The following OR2M4 variants were observed in gnomAD, a reference collection of about 807,000 sequenced individuals.
The protein encoded by OR2M4 is olfactory receptor family 2 subfamily M member 4.
Under a neutral mutation model 13.7 loss-of-function variants are expected in OR2M4, and 8 were observed. The observed-to-expected ratio is 0.58, with a 90% CI of 0.34 to 1.05. The LOEUF is 1.05. OR2M4 is among the 50% of genes least tolerant of loss of function. OR2M4 has a pLI of 0.02. For missense variants in OR2M4, 374 were observed against 381.6 expected (o/e 0.98, Z 0.17); for synonymous variants, 152 against 141.3 (o/e 1.08, Z -0.53).
At chr1:248,237,881 G>A (rs1160507136) in intron 1 of OR2M4, among the ~76,000 whole-genome samples, 1 of 152,142 alleles carries the variant, frequency 6.6e-6, no homozygotes, top group African/African-American at 2.4e-5. Flanking sequence ...CTCCAAAGTA[G>A]CACATTGCAG....
rs767373057 is a variant in OR2M4 at position 248,239,378 on chromosome 1, C to T, written c.450C>T (p.Thr150=). 19 of 1,614,040 alleles carry T rather than the reference C, an allele frequency of 1.2e-5. 1 individual carries two copies. Among genetic ancestry groups the T allele is most frequent in the East Asian group, 2.2e-5 (1 of 44,872 alleles). ...LCVFMTVASW[T]LGSLDGIIVL... is the part of the protein sequence containing the mutation. Reference sequence around the variant, plus strand: ...TCTTCATGACTGTTGCTTCCTGGACCTTGGGGTCTCTTGATGGGATCATAG... The same window carrying T: ...TCTTCATGACTGTTGCTTCCTGGACTTTGGGGTCTCTTGATGGGATCATAG... Residue 150 remains threonine, a synonymous_variant, in exon 2 of 2, where the codon ACC becomes ACT. Coordinates refer to ENST00000641868, the MANE Select transcript of OR2M4 (RefSeq NM_017504.2).
Position 248,239,367 on chromosome 1 carries a change from G to C in OR2M4, c.439G>C (p.Ala147Pro). The C allele has an allele frequency of 2.5e-6, 4 of 1,614,048 alleles. No homozygotes were observed. Among genetic ancestry groups the C allele is most frequent in the Non-Finnish European group, 3.4e-6 (4 of 1,180,016 alleles). The change falls in exon 2 of 2, where the codon GCT (alanine) becomes CCT (proline). Residue 147 changes from alanine to proline, a missense_variant. By Grantham distance (27) the Ala-to-Pro change is conservative. Transcript: ENST00000641868. The part of the protein sequence containing the change: ...NPKLCVFMTV[A>P]SWTLGSLDGI... ...GAAACTCTGTGTCTTCATGACTGTT[G>C]CTTCCTGGACCTTGGGGTCTCTTGA...
Position 248,239,881 on chromosome 1 carries a change from T to C in OR2M4, c.*17T>C, listed in dbSNP as rs1348883511. ...TTAATATGACCTTATCAAAATCTTT[T>C]TGAGTGCCTACTGTGGTCAACACTC... is the stretch of plus-strand genomic sequence containing the variant. On this transcript the variant is annotated 3_prime_UTR_variant, in exon 2 of 2. Transcript: ENST00000641868. 6.6e-7 allele frequency: 1 copy of C among 1,506,738 alleles called. No homozygotes were observed. The highest frequency in any genetic ancestry group is 1.4e-5 in the African/African-American group (1 of 71,718). The allele number at this position is 1,506,738 out of a possible 1,614,324, so 93.3% of individuals were successfully genotyped here.
rs1666503191 is a variant in OR2M4 at position 248,231,516 on chromosome 1, T to G, written c.-84T>G. 1 of 152,184 alleles carries G rather than the reference T, an allele frequency of 6.6e-6. No homozygotes were observed. The allele number at this position is 152,184 out of a possible 1,614,324, so 9.4% of individuals were successfully genotyped here. A position where few individuals can be genotyped will look rare whatever the true frequency, so the allele number is the denominator to read the frequency against. ...GTTGTAATACAGCTCAGGCAGTGAT[T>G]ATTATATTCCAGAGTATAAAGAACC... On this transcript the variant is annotated 5_prime_UTR_variant, in exon 1 of 2. The change creates a new upstream start codon in the 5' untranslated region. Coordinates refer to ENST00000641868, the MANE Select transcript of OR2M4 (RefSeq NM_017504.2).
In OR2M4 at chr1:248,238,958, C is replaced by A; in HGVS notation, c.30C>A (p.Ser10=). 1 of 1,606,556 alleles carries A rather than the reference C, an allele frequency of 6.2e-7. No individual in the cohort carries two copies. Among genetic ancestry groups the A allele is most frequent in the Non-Finnish European group, 8.5e-7 (1 of 1,176,664 alleles). ...TGTGGGAAAACCAGACCTTCAACTC[C>A]ATCTTCATCCTGCTGGGAATCTTCA... MVWENQTFN[S]IFILLGIFNH... is the part of the protein sequence containing the mutation. Residue 10 remains serine, a synonymous_variant, in exon 2 of 2, where the codon TCC becomes TCA. Coordinates refer to ENST00000641868, the MANE Select transcript of OR2M4 (RefSeq NM_017504.2).
chr1:248,235,578 G>C (rs1666549402), intron 1 of OR2M4, among the ~76,000 whole-genome samples: 1 of 151,258 alleles, frequency 6.6e-6, no homozygotes, highest in Admixed American at 6.6e-5. Flanking sequence ...GCATTAAAGG[G>C]CATACATTGA....
chr1:248,239,444 G>A lies in OR2M4; in HGVS notation c.516G>A (p.Leu172=). ...AVLSFSYCSS[L]EIHHFFCDVA... is the part of the protein sequence containing the mutation. ...TGTCATTTTCTTACTGCAGCTCTCT[G>A]GAAATTCATCACTTTTTCTGTGATG... Residue 172 remains leucine (L), a synonymous_variant, in exon 2 of 2, where the codon CTG becomes CTA. Coordinates refer to ENST00000641868, the MANE Select transcript of OR2M4 (RefSeq NM_017504.2). 6.2e-7 allele frequency: 1 copy of A among 1,613,990 alleles called. No individual in the cohort carries two copies. The highest frequency in any genetic ancestry group is 8.5e-7 in the Non-Finnish European group (1 of 1,180,002).
chr1:248,238,762 C>A (rs1666582749), intron 1 of OR2M4, 148 bp from the exon 2 acceptor site: 5 of 579,090 alleles, frequency 8.6e-6, no homozygotes, highest in Non-Finnish European at 1.5e-5. Flanking sequence ...TGGACTAATC[C>A]ACACAATTTA....
Position 248,242,431 on chromosome 1 carries a change from TG to T in OR2M4, c.*2568del, listed in dbSNP as rs1666627125. The stretch of plus-strand genomic sequence containing the variant: ...CATGCTACCACAACTGGCTAATTTT[TG>T]TATTTTTAGTAGAGACGGGATTTCA... On this transcript the variant is annotated 3_prime_UTR_variant, in exon 2 of 2. Transcript: ENST00000641868. 1 of 152,246 alleles carries T rather than the reference TG, an allele frequency of 6.6e-6. No individual in the cohort carries two copies. 9.4% of individuals were successfully genotyped at this position (152,246 alleles called of 1,614,324 possible).
chr1:248,236,791 A>G, intron 1 of OR2M4, among the ~76,000 whole-genome samples: 1 of 152,164 alleles, frequency 6.6e-6, no homozygotes, highest in African/African-American at 2.4e-5. Flanking sequence ...TAACACCTCT[A>G]CACAAAAAAC....
rs781483961 is a variant in OR2M4 at position 248,239,546 on chromosome 1, G to A, written c.618G>A (p.Met206Ile). ...TACTTGTCATTTGTTGTGTGGTAAT[G>A]CTAATCTTTCCAGTTTCAGTTATCA... ...ERLLVICCVV[M>I]LIFPVSVIIL... is the part of the protein sequence containing the mutation. The change falls in exon 2 of 2, where the codon ATG becomes ATA. Residue 206 changes from methionine to isoleucine, a missense_variant. By Grantham distance (10) the Met-to-Ile change is conservative. Transcript: ENST00000641868. 1.2e-5 allele frequency: 20 copies of A among 1,614,000 alleles called. No individual in the cohort carries two copies. Among genetic ancestry groups the A allele is most frequent in the East Asian group, 2.2e-5 (1 of 44,896 alleles).
intron 1 of OR2M4, among the ~76,000 whole-genome samples, chr1:248,235,627 C>T (rs1351762339): frequency 6.6e-6 from 1 of 152,086 alleles, no homozygotes; most frequent in Non-Finnish European, 1.5e-5. Context: ...TCTTCCCATC[C>T]ATTAGCATGG....
At chr1:248,235,036 T>C (rs993156189) in intron 1 of OR2M4, among the ~76,000 whole-genome samples, 1 of 152,206 alleles carries the variant, frequency 6.6e-6, no homozygotes, top group Admixed American at 6.5e-5. Flanking sequence ...ATTTTAGCTC[T>C]TATTGCAATT....
intron 1 of OR2M4, among the ~76,000 whole-genome samples, chr1:248,233,154 T>C (rs1465571715): frequency 6.6e-6 from 1 of 152,126 alleles, no homozygotes; most frequent in African/African-American, 2.4e-5. Flanking sequence ...TTACCATTAA[T>C]TATAATCAGC....
intron 1 of OR2M4, among the ~76,000 whole-genome samples, chr1:248,235,454 G>A (rs1318824025): frequency 6.6e-6 from 1 of 152,072 alleles, no homozygotes; most frequent in East Asian, 1.9e-4. Context: ...CTCCAGCTTT[G>A]TTCTTTTTGC....
rs1666605077 is a variant in OR2M4, at chr1:248,240,197, C to A, written c.*333C>A. On this transcript the variant is annotated 3_prime_UTR_variant, in exon 2 of 2. Coordinates refer to ENST00000641868, the MANE Select transcript of OR2M4 (RefSeq NM_017504.2). The stretch of plus-strand genomic sequence containing the variant: ...TCAAAAAGCAAAGGTTGGAGTTGAT[C>A]CTCTGTTTTTGGAGAGATGCTTCTT... 5.9e-6 allele frequency: 1 copy of A among 170,584 alleles called. No homozygotes were observed. The highest frequency in any genetic ancestry group is 2.4e-5 in the African/African-American group (1 of 42,136). The allele number at this position is 170,584 out of a possible 1,614,324, so 10.6% of individuals were successfully genotyped here.
At position 248,241,151 on chromosome 1, in the gene OR2M4, C is replaced by A. The variant is rs969360341; in HGVS notation, c.*1287C>A. ...GGCACGTGAACTACAGAGACAGCAG[C>A]TGGGGCAACTGAGGTTGTGCTGGCA... On this transcript the variant is annotated 3_prime_UTR_variant, in exon 2 of 2. Transcript: ENST00000641868. 6.6e-6 allele frequency: 1 copy of A among 152,192 alleles called. No individual in the cohort carries two copies. The highest frequency in any genetic ancestry group is 1.5e-5 in the Non-Finnish European group (1 of 68,080). 9.4% of individuals were successfully genotyped at this position (152,192 alleles called of 1,614,324 possible).
intron 1 of OR2M4, among the ~76,000 whole-genome samples, chr1:248,235,607 T>C (rs954742205): frequency 6.6e-6 from 1 of 152,160 alleles, no homozygotes; most frequent in Non-Finnish European, 1.5e-5. Flanking sequence ...GCCATTTTCA[T>C]GATATTGATT....
rs956212081 is a variant in OR2M4 at position 248,244,252 on chromosome 1, C to T, written c.*4388C>T. On this transcript the variant is annotated 3_prime_UTR_variant, in exon 2 of 2. Transcript: ENST00000641868. ...CTACCCCAAAGACAAATTATTCATT[C>T]ATTGCAGTGTTATTCCCAATAGCAA... 3 of 151,960 alleles carry T rather than the reference C, an allele frequency of 2.0e-5. No individual in the cohort carries two copies. Among genetic ancestry groups the T allele is most frequent in the African/African-American group, 7.2e-5 (3 of 41,380 alleles). 9.4% of individuals were successfully genotyped at this position (151,960 alleles called of 1,614,324 possible). A position where few individuals can be genotyped will look rare whatever the true frequency, so the allele number is the denominator to read the frequency against.
Sources: gnomAD v4.1 joint callset for allele counts (sites outside exome capture counted in the v4.1 genomes callset) on GRCh38, gnomAD v4.1.1 for gene constraint, MANE v1.5 for transcripts, NCBI Gene and HGNC (gene_info 2026-07-23, HGNC 2026-07-21) for gene names.